The following VCL variants were observed in gnomAD, a reference collection of about 807,000 sequenced individuals.
The protein encoded by VCL is epididymis luminal protein 114.
A neutral mutation model predicts 125.7 loss-of-function variants in VCL; 47 were observed. That is an observed-to-expected ratio of 0.37 (90% CI 0.30 to 0.48). The LOEUF is 0.48. Among genes scored for constraint, VCL ranks in the 20% least tolerant of loss-of-function variants. The pLI is 0.99. For synonymous variants in VCL, 458 were observed against 514.6 expected (o/e 0.89, Z 1.49); for missense variants, 1,069 against 1,455.5 (o/e 0.73, Z 4.32).
chr10:74,102,530 G>A (rs1840076982), intron 14 of VCL, among the ~76,000 whole-genome samples: 1 of 152,092 alleles, frequency 6.6e-6, no homozygotes, highest in Admixed American at 6.6e-5. Context: ...ACTATGCTAG[G>A]CTTTATAAAT....
intron 10 of VCL, among the ~76,000 whole-genome samples, chr10:74,092,282 G>C (rs188790181): frequency 6.6e-6 from 1 of 152,188 alleles, no homozygotes; most frequent in East Asian, 1.9e-4. Context: ...GAGGACCTGA[G>C]ATGGAAAATG....
At chr10:74,082,616 T>A in intron 7 of VCL, 72 bp downstream of exon 7, 2 of 1,488,956 alleles carry the variant, frequency 1.3e-6, no homozygotes, top group Non-Finnish European at 1.9e-6. Context: ...AAGAAAGAAA[T>A]TTTCCCATAA....
At chr10:74,090,710 A>G (rs1839868283) in intron 10 of VCL, among the ~76,000 whole-genome samples, 1 of 152,172 alleles carries the variant, frequency 6.6e-6, no homozygotes, top group Non-Finnish European at 1.5e-5. Context: ...TCTTGTAACA[A>G]CAGCCTCCCC....
chr10:74,090,629 C>T (rs1839866114), intron 10 of VCL, among the ~76,000 whole-genome samples: 1 of 152,090 alleles, frequency 6.6e-6, no homozygotes, highest in Non-Finnish European at 1.5e-5. Flanking sequence ...TACTTTCCTC[C>T]TTCCCCAGCA....
intron 1 of VCL, among the ~76,000 whole-genome samples, chr10:74,028,317 C>T (rs1412668061): frequency 6.6e-6 from 1 of 151,314 alleles, no homozygotes; most frequent in African/African-American, 2.4e-5. Flanking sequence ...CTCCTGGCTT[C>T]AAGTGATCTT....
intron 6 of VCL, among the ~76,000 whole-genome samples, chr10:74,080,305 G>T (rs1839656939): frequency 1.3e-5 from 2 of 151,782 alleles, no homozygotes; most frequent in Non-Finnish European, 2.9e-5. Flanking sequence ...ACTCTCCTTG[G>T]TAAAAGAAAA....
At chr10:74,093,375 A>C (rs1433167864) in intron 10 of VCL, among the ~76,000 whole-genome samples, 1 of 152,250 alleles carries the variant, frequency 6.6e-6, no homozygotes, top group Non-Finnish European at 1.5e-5. Flanking sequence ...ATCAAAGTAA[A>C]TAATGGGACA....
At chr10:73,998,705 T>G (rs114200964) in intron 1 of VCL, among the ~76,000 whole-genome samples, 3,893 of 152,334 alleles carry the variant, frequency 0.026, 167 homozygotes, top group African/African-American at 0.088. Context: ...AAATGAGAGT[T>G]GCTGGGATGT....
intron 4 of VCL, among the ~76,000 whole-genome samples, chr10:74,072,474 G>T (rs1321145336): frequency 6.6e-6 from 1 of 151,910 alleles, no homozygotes; most frequent in Non-Finnish European, 1.5e-5. Flanking sequence ...TATTCATTTA[G>T]ATGTTTAATA....
chr10:74,043,008 T>C, intron 1 of VCL, 75 bp from the exon 2 acceptor site: 1 of 1,367,450 alleles, frequency 7.3e-7, no homozygotes, highest in Non-Finnish European at 1.0e-6. Flanking sequence ...AGTATATGTT[T>C]CAAATATGCT....
chr10:74,016,414 C>T (rs1259598850), intron 1 of VCL, among the ~76,000 whole-genome samples: 1 of 151,962 alleles, frequency 6.6e-6, no homozygotes, highest in East Asian at 1.9e-4. Flanking sequence ...AGTCCGAGAC[C>T]AGCCTGGGCA....
chr10:74,092,157 C>T lies in VCL; in HGVS notation c.1352+1959C>T, dbSNP rs548973910. Among the ~76,000 whole-genome samples, 223 of 152,196 alleles carry T rather than the reference C, an allele frequency of 1.5e-3. 1 individual carries two copies. The highest frequency in any genetic ancestry group is 5.0e-3 in the African/African-American group (208 of 41,526). On this transcript the variant is annotated intron_variant, in intron 10 of 21. Coordinates refer to ENST00000211998, the MANE Select transcript of VCL (RefSeq NM_014000.3). ...TCTCTTGACCTCGTGATCCACCCAC[C>T]TCAGCCTCCCAAGTCCTGGGATTAC...
chr10:74,022,629 G>A (rs2136234629), intron 1 of VCL, among the ~76,000 whole-genome samples: 1 of 150,466 alleles, frequency 6.6e-6, no homozygotes, highest in African/African-American at 2.4e-5. Context: ...AAACTTCAGT[G>A]TCCGTAATGT....
chr10:74,090,791 TTTTTTTA>T (rs1027323425), intron 10 of VCL, among the ~76,000 whole-genome samples: 122 of 152,116 alleles, frequency 8.0e-4, no homozygotes, highest in African/African-American at 2.9e-3. Flanking sequence ...TTCCTCTTTT[TTTTTTTA>T]TTTTTTATTT....
chr10:74,102,953 G>A lies in VCL; in HGVS notation c.2023-867G>A, dbSNP rs982392932. 9.2e-5 allele frequency among the ~76,000 whole-genome samples: 14 copies of A among 151,748 alleles called. No individual in the cohort carries two copies. In the South Asian group the frequency reaches 1.7e-3, roughly 18 times the overall value. On this transcript the variant is annotated intron_variant, in intron 14 of 21. Coordinates refer to ENST00000211998, the MANE Select transcript of VCL (RefSeq NM_014000.3). ...ATGATCTTGGCTCACTGCAACCTCC[G>A]CCTCCGGGGTTCAAGCGATTCTCTT... is the stretch of plus-strand genomic sequence containing the variant.
At chr10:74,036,191 CTGTTTT>C (rs934367948) in intron 1 of VCL, among the ~76,000 whole-genome samples, 1 of 152,106 alleles carries the variant, frequency 6.6e-6, no homozygotes, top group East Asian at 1.9e-4. Context: ...GTTCTTTTCT[CTGTTTT>C]TGTTTTTGTT....
At chr10:74,043,044 G>T in intron 1 of VCL, 39 bp from the exon 2 acceptor site, 2 of 1,560,464 alleles carry the variant, frequency 1.3e-6, no homozygotes, top group East Asian at 2.2e-5. Flanking sequence ...TAAAGTCTGA[G>T]AATTTATATT....
chr10:74,028,623 C>G (rs1840817325), intron 1 of VCL, among the ~76,000 whole-genome samples: 1 of 152,042 alleles, frequency 6.6e-6, no homozygotes, highest in South Asian at 2.1e-4. Flanking sequence ...TCTCGAACTC[C>G]TGACCTCAGG....
intron 2 of VCL, among the ~76,000 whole-genome samples, chr10:74,058,998 T>C (rs1841432221): frequency 6.6e-6 from 1 of 152,184 alleles, no homozygotes; most frequent in Admixed American, 6.5e-5. Flanking sequence ...ATCATCTTTA[T>C]AAGTAGTGCT....
Sources: gnomAD v4.1 joint callset for allele counts (sites outside exome capture counted in the v4.1 genomes callset) on GRCh38, gnomAD v4.1.1 for gene constraint, MANE v1.5 for transcripts, NCBI Gene and HGNC (gene_info 2026-07-23, HGNC 2026-07-21) for gene names.